The following ITPK1 variants were observed in gnomAD, a reference collection of about 807,000 sequenced individuals.
The protein encoded by ITPK1 is inositol-tetrakisphosphate 1-kinase.
In ITPK1, 21 loss-of-function variants were observed where a neutral mutation model predicts 45.3. The ratio of observed to expected loss-of-function variants is 0.46; its 90% confidence interval spans 0.33 to 0.67. The LOEUF is 0.67. Ranked by LOEUF, ITPK1 falls within the 30% of genes least tolerant of loss-of-function variation. The pLI, the probability that ITPK1 is intolerant of heterozygous loss-of-function variation, is 0.02. For synonymous variants in ITPK1, 258 were observed against 253.6 expected, an observed-to-expected ratio of 1.02 and a Z score of -0.16; for missense variants, 474 against 573.5, an observed-to-expected ratio of 0.83 and a Z score of 1.77.
intron 7 of ITPK1, 55 bp downstream of exon 7, chr14:92,962,300 C>T (rs923652052): frequency 2.2e-5 from 29 of 1,314,700 alleles, no homozygotes; most frequent in East Asian, 1.1e-4. Context: ...CAGTGAGACA[C>T]GATGAGCTGA....
At chr14:93,106,520 G>A (rs1016109587) in intron 2 of ITPK1, among the ~76,000 whole-genome samples, 1 of 152,310 alleles carries the variant, frequency 6.6e-6, no homozygotes, top group African/African-American at 2.4e-5. Flanking sequence ...TCCACCCTGT[G>A]GGTCCTTTAG....
chr14:92,974,457 T>C (rs1395448725), intron 5 of ITPK1, among the ~76,000 whole-genome samples: 3 of 152,186 alleles, frequency 2.0e-5, no homozygotes, highest in African/African-American at 4.8e-5. Flanking sequence ...GCCTGGCTCC[T>C]AGGAGCAGTG....
intron 4 of ITPK1, among the ~76,000 whole-genome samples, chr14:93,008,986 C>T (rs1048986259): frequency 6.6e-6 from 1 of 152,104 alleles, no homozygotes; most frequent in Non-Finnish European, 1.5e-5. Flanking sequence ...GCTGCTGGAC[C>T]CATCTCTTAC....
intron 2 of ITPK1, among the ~76,000 whole-genome samples, chr14:93,088,336 G>GTTT (rs764902793): frequency 0.025 from 3,124 of 126,032 alleles, 109 homozygotes; most frequent in South Asian, 0.068. Flanking sequence ...TTTTGGTTTT[G>GTTT]TTTTGTTTTT....
At chr14:93,081,006 A>C (rs1891412773) in intron 2 of ITPK1, among the ~76,000 whole-genome samples, 1 of 150,458 alleles carries the variant, frequency 6.6e-6, no homozygotes, top group Non-Finnish European at 1.5e-5. Context: ...CACTGCACCC[A>C]GCCTACAATT....
chr14:93,106,639 C>A (rs965519087), intron 2 of ITPK1, among the ~76,000 whole-genome samples: 3 of 152,204 alleles, frequency 2.0e-5, no homozygotes, highest in African/African-American at 7.2e-5. Context: ...ATAGTTCTCT[C>A]CTGTTTGCAG....
Position 93,032,024 on chromosome 14 carries a change from G to T in ITPK1, c.121-15223C>A, listed in dbSNP as rs981689236. Among the ~76,000 whole-genome samples the T allele has an allele frequency of 6.6e-6, 1 of 152,178 alleles. No individual in the cohort carries two copies. The highest frequency in any genetic ancestry group is 2.4e-5 in the African/African-American group (1 of 41,462). Reference sequence around the variant, plus strand: ...TTCCAATCCGAAGAGAGCATTCCTTGAGGCAGTTTTCCAAACTGGTATTTG... The same window carrying T: ...TTCCAATCCGAAGAGAGCATTCCTTTAGGCAGTTTTCCAAACTGGTATTTG... On this transcript the variant is annotated intron_variant, in intron 3 of 10. Transcript: ENST00000267615. This position sits in a 1 kb window ranked among gnomAD's most constrained non-coding sequence, Gnocchi z 4.0.
chr14:93,101,841 C>CA (rs1408666003), intron 2 of ITPK1, among the ~76,000 whole-genome samples: 3 of 152,202 alleles, frequency 2.0e-5, no homozygotes, highest in Non-Finnish European at 4.4e-5. Flanking sequence ...ACCCCACCCC[C>CA]AGGGTGATCG....
chr14:92,973,682 C>T (rs1038033683), intron 5 of ITPK1, among the ~76,000 whole-genome samples: 1 of 152,188 alleles, frequency 6.6e-6, no homozygotes, highest in Non-Finnish European at 1.5e-5. Context: ...TTTTGGCCAG[C>T]GATGACGATG....
Position 92,941,152 on chromosome 14 carries a change from C to T in ITPK1, c.*409G>A. 1 of 1,208,086 alleles carries T rather than the reference C, an allele frequency of 8.3e-7. No individual in the cohort carries two copies. Among genetic ancestry groups the T allele is most frequent in the Non-Finnish European group, 1.0e-6 (1 of 958,354 alleles). The allele number at this position is 1,208,086 out of a possible 1,614,324, so 74.8% of individuals were successfully genotyped here. On this transcript the variant is annotated 3_prime_UTR_variant, in exon 11 of 11. Transcript: ENST00000267615. ...ACTCTCACATGCACCGATCAGCCTC[C>T]CACAGCCCGACATGGGCAGGCTTCC...
chr14:93,054,554 A>AG (rs1048491411), intron 3 of ITPK1, among the ~76,000 whole-genome samples: 1 of 152,214 alleles, frequency 6.6e-6, no homozygotes, highest in South Asian at 2.1e-4. Context: ...ACACTGGGCC[A>AG]GGGGGTACAG....
At chr14:93,075,329 A>C in intron 3 of ITPK1, among the ~76,000 whole-genome samples, 1 of 15,638 alleles carries the variant, frequency 6.4e-5, no homozygotes, top group African/African-American at 6.1e-4. Flanking sequence ...TCCTTCTCAA[A>C]AAAAAAAAAA....
intron 4 of ITPK1, among the ~76,000 whole-genome samples, chr14:92,994,587 TG>T (rs1040187776): frequency 1.3e-5 from 2 of 152,076 alleles, no homozygotes; most frequent in African/African-American, 4.8e-5. Context: ...CTAACTTACA[TG>T]GGGGGAAGAC....
At chr14:92,962,953 G>C in intron 5 of ITPK1, 104 bp from the exon 6 acceptor site, 2 of 690,280 alleles carry the variant, frequency 2.9e-6, no homozygotes, top group Non-Finnish European at 4.9e-6. Context: ...GTGCCCCCAC[G>C]CTCCTGGATC....
intron 3 of ITPK1, among the ~76,000 whole-genome samples, chr14:93,022,102 C>T (rs1429536577): frequency 6.6e-6 from 1 of 152,192 alleles, no homozygotes; most frequent in African/African-American, 2.4e-5. Flanking sequence ...ATTCAGCAAG[C>T]ACAGCTCCTT....
At chr14:92,942,139 G>T (rs762258949) in intron 10 of ITPK1, among the ~76,000 whole-genome samples, 2 of 152,206 alleles carry the variant, frequency 1.3e-5, no homozygotes, top group East Asian at 3.8e-4. Flanking sequence ...GCCAGGGTGT[G>T]AGAAGCTGAA....
At chr14:93,074,483 G>A (rs1891138035) in intron 3 of ITPK1, among the ~76,000 whole-genome samples, 1 of 152,240 alleles carries the variant, frequency 6.6e-6, no homozygotes, top group African/African-American at 2.4e-5. Context: ...CTGTGTGACA[G>A]TTTGAGGTCG....
intron 4 of ITPK1, among the ~76,000 whole-genome samples, chr14:93,003,028 C>T (rs1051534346): frequency 1.3e-5 from 2 of 152,202 alleles, no homozygotes; most frequent in Non-Finnish European, 2.9e-5. Flanking sequence ...GTCCACAGGG[C>T]CTCTGTGAGG....
rs1391821192 is a variant in ITPK1, at chr14:92,940,659, G to A, written c.*902C>T. 7.9e-7 allele frequency: 1 copy of A among 1,262,956 alleles called. No individual in the cohort carries two copies. The highest frequency in any genetic ancestry group is 1.0e-6 in the Non-Finnish European group (1 of 975,828). 78.2% of individuals were successfully genotyped at this position (1,262,956 alleles called of 1,614,324 possible). On this transcript the variant is annotated 3_prime_UTR_variant, in exon 11 of 11. Coordinates refer to ENST00000267615, the MANE Select transcript of ITPK1 (RefSeq NM_014216.6). ...ATGGAAAGGCAGGCTGCATCCCAGG[G>A]GTTAGGGCACAAAGCCAGCCCTGTG...
Sources: gnomAD v4.1 joint callset for allele counts (sites outside exome capture counted in the v4.1 genomes callset) on GRCh38, gnomAD v4.1.1 for gene constraint, Gnocchi (gnomAD v3.1) non-coding constraint, MANE v1.5 for transcripts, NCBI Gene and HGNC (gene_info 2026-07-23, HGNC 2026-07-21) for gene names.